ADK: variants seen among roughly 807,000 people sequenced by gnomAD.
ADK encodes N6,N6-dimethyladenosine kinase.
A neutral mutation model predicts 44.7 loss-of-function variants in ADK; 24 were observed. The observed-to-expected ratio is 0.54, with a 90% CI of 0.39 to 0.76. The LOEUF (loss-of-function observed/expected upper bound fraction) is 0.76, where lower values mean the gene tolerates loss of function less well. ADK is among the 30% of genes least tolerant of loss of function. The probability of loss-of-function intolerance (pLI) is 0.00; values close to 1 mark genes in which losing one functional copy is unlikely to be tolerated. For missense variants in ADK, 321 were observed against 425.1 expected, an observed-to-expected ratio of 0.76 and a Z score of 2.15; for synonymous variants, 128 against 142.6, an observed-to-expected ratio of 0.90 and a Z score of 0.73.
At chr10:74,516,456 C>G (rs773546960) in intron 6 of ADK, among the ~76,000 whole-genome samples, 1 of 152,190 alleles carries the variant, frequency 6.6e-6, no homozygotes, top group African/African-American at 2.4e-5. Flanking sequence ...GTGGGTTAGA[C>G]AAGCACCAGG....
chr10:74,344,899 T>A (rs1841709567), intron 4 of ADK: 1 of 157,354 alleles, frequency 6.4e-6, no homozygotes, highest in Admixed American at 6.5e-5. Flanking sequence ...TTGAATGTCT[T>A]CAGTGAGACG....
At chr10:74,561,274 A>C (rs1850447621) in intron 7 of ADK, among the ~76,000 whole-genome samples, 2 of 152,156 alleles carry the variant, frequency 1.3e-5, no homozygotes, top group African/African-American at 4.8e-5. Flanking sequence ...TAAAGCTTTC[A>C]CCGTTATTAA....
At chr10:74,527,363 A>C (rs999825765) in intron 7 of ADK, among the ~76,000 whole-genome samples, 1 of 100,876 alleles carries the variant, frequency 9.9e-6, no homozygotes, top group Non-Finnish European at 1.7e-5. Context: ...GTCTCAAAAA[A>C]CAAACAAACA....
chr10:74,546,832 T>C (rs909346464), intron 7 of ADK, among the ~76,000 whole-genome samples: 1 of 152,110 alleles, frequency 6.6e-6, no homozygotes, highest in Non-Finnish European at 1.5e-5. Context: ...GATTCATGGA[T>C]TATACATTTC....
intron 7 of ADK, among the ~76,000 whole-genome samples, chr10:74,525,989 T>C (rs1427120982): frequency 6.6e-6 from 1 of 152,132 alleles, no homozygotes; most frequent in East Asian, 1.9e-4. Context: ...TGACGTTTGA[T>C]TTACTTATAG....
chr10:74,385,688 T>G (rs1592135396), intron 4 of ADK, among the ~76,000 whole-genome samples: 1 of 152,238 alleles, frequency 6.6e-6, no homozygotes, highest in African/African-American at 2.4e-5. Context: ...TAATAGGCAC[T>G]GCCTTGAACA....
chr10:74,667,313 T>C (rs1203580834), intron 9 of ADK, among the ~76,000 whole-genome samples: 1 of 152,140 alleles, frequency 6.6e-6, no homozygotes, highest in Non-Finnish European at 1.5e-5. Flanking sequence ...ATCTTTTGCA[T>C]ATATGATATT....
intron 9 of ADK, among the ~76,000 whole-genome samples, chr10:74,612,319 A>C (rs1042248052): frequency 6.6e-6 from 1 of 152,050 alleles, no homozygotes; most frequent in African/African-American, 2.4e-5. Context: ...GTGTCTTGCT[A>C]TGTTGCTCAG....
intron 9 of ADK, among the ~76,000 whole-genome samples, chr10:74,626,882 A>G (rs1180391189): frequency 6.6e-6 from 1 of 152,132 alleles, no homozygotes; most frequent in Non-Finnish European, 1.5e-5. Flanking sequence ...CAAGGTTCAT[A>G]TTTCTGTCTA....
At chr10:74,707,233 G>A (rs1431074312) in intron 10 of ADK, among the ~76,000 whole-genome samples, 1 of 151,934 alleles carries the variant, frequency 6.6e-6, no homozygotes, top group Non-Finnish European at 1.5e-5. Context: ...ACAGGATTTC[G>A]CCATGTTGCT....
At position 74,458,119 on chromosome 10, in the gene ADK, CTTTT is replaced by C. The variant is rs1172945144; in HGVS notation, c.555+59564_555+59567del. Reference sequence around the variant, plus strand: ...TAATCTTTTTTAATGTGCATTAAAACTTTTTTTTTTTTTTTTTTTTTTTTTTTGG... The same window carrying C: ...TAATCTTTTTTAATGTGCATTAAAACTTTTTTTTTTTTTTTTTTTTTTTGG... On this transcript the variant is annotated intron_variant, in intron 6 of 10. Coordinates refer to ENST00000539909, the MANE Select transcript of ADK (RefSeq NM_006721.4). 8.7e-3 allele frequency among the ~76,000 whole-genome samples: 650 copies of C among 74,392 alleles called. 3 individuals carry two copies. Among genetic ancestry groups the C allele is most frequent in the African/African-American group, 0.01 (173 of 16,732 alleles). The allele number at this position is 74,392 out of a possible 152,430, so 48.8% of individuals were successfully genotyped here. A position where few individuals can be genotyped will look rare whatever the true frequency, so the allele number is the denominator to read the frequency against.
chr10:74,234,677 T>A (rs945656186), intron 3 of ADK, among the ~76,000 whole-genome samples: 6 of 152,202 alleles, frequency 3.9e-5, no homozygotes, highest in African/African-American at 1.4e-4. Context: ...TGAGCTCATA[T>A]TGATGAATGG....
intron 7 of ADK, among the ~76,000 whole-genome samples, chr10:74,577,824 T>C (rs770061044): frequency 1.3e-5 from 2 of 152,200 alleles, no homozygotes; most frequent in Non-Finnish European, 2.9e-5. Context: ...TAGCGCTCTC[T>C]CTTTAAAGTT....
chr10:74,157,716 TAAAAAAAAAA>T (rs35499084), intron 1 of ADK, among the ~76,000 whole-genome samples: 1 of 133,924 alleles, frequency 7.5e-6, no homozygotes. Context: ...CCATCTTTAC[TAAAAAAAAAA>T]AAAAAAAAAT....
At chr10:74,625,693 T>C (rs181595944) in intron 9 of ADK, among the ~76,000 whole-genome samples, 12 of 152,114 alleles carry the variant, frequency 7.9e-5, no homozygotes, top group African/African-American at 2.7e-4. Context: ...GTGAGACAAA[T>C]GTGATAGGGT....
chr10:74,528,213 G>T (rs1469224366), intron 7 of ADK: 1 of 484,662 alleles, frequency 2.1e-6, no homozygotes, highest in Non-Finnish European at 3.6e-6. Context: ...CTGCAAAAAT[G>T]GATAAGTAAA....
At chr10:74,417,747 C>CT (rs1004784081) in intron 6 of ADK, among the ~76,000 whole-genome samples, 1 of 146,702 alleles carries the variant, frequency 6.8e-6, no homozygotes, top group Non-Finnish European at 1.5e-5. Context: ...AGTAAATCTA[C>CT]TTTAAAAAAA....
intron 4 of ADK, among the ~76,000 whole-genome samples, chr10:74,354,792 T>A (rs1842079468): frequency 6.6e-6 from 1 of 152,242 alleles, no homozygotes; most frequent in East Asian, 1.9e-4. Context: ...CACTCCACTT[T>A]AATGTATTAT....
chr10:74,689,840 T>C (rs1318355116), intron 10 of ADK, among the ~76,000 whole-genome samples: 1 of 152,212 alleles, frequency 6.6e-6, no homozygotes, highest in Non-Finnish European at 1.5e-5. Context: ...AACAAACTTG[T>C]TTATTTTTCT....
Sources: allele counts gnomAD v4.1 joint callset (sites outside exome capture counted in the v4.1 genomes callset), GRCh38; gene constraint gnomAD v4.1.1; transcripts MANE v1.5; gene names NCBI Gene and HGNC (gene_info 2026-07-23, HGNC 2026-07-21).